CUX1: variants seen among roughly 807,000 people sequenced by gnomAD.
The protein encoded by CUX1 is protein CASP.
CUX1 carries 31 observed loss-of-function variants against 158.8 expected under a neutral mutation model. The observed-to-expected ratio is 0.20, with a 90% CI of 0.15 to 0.26. CUX1 has a LOEUF of 0.26. Among genes scored for constraint, CUX1 ranks in the 10% least tolerant of loss-of-function variants. CUX1 has a pLI of 1.00. For synonymous variants in CUX1, 879 were observed against 862.1 expected (o/e 1.02, Z -0.34); for missense variants, 1,589 against 2,014.6 (o/e 0.79, Z 4.04).
intron 12 of CUX1, among the ~76,000 whole-genome samples, chr7:102,193,023 C>T (rs144797500): frequency 2.6e-5 from 4 of 152,348 alleles, no homozygotes; most frequent in African/African-American, 9.6e-5. Flanking sequence ...GTCACCTTCT[C>T]TTGCCACATC....
intron 1 of CUX1, among the ~76,000 whole-genome samples, chr7:101,821,502 C>A (rs1181730785): frequency 1.3e-5 from 2 of 151,328 alleles, no homozygotes; most frequent in Non-Finnish European, 2.9e-5. Flanking sequence ...CCAGGCCTGG[C>A]TAATTTTTTG....
intron 5 of CUX1, among the ~76,000 whole-genome samples, chr7:102,099,299 T>C (rs2130927487): frequency 6.6e-6 from 1 of 152,252 alleles, no homozygotes; most frequent in East Asian, 1.9e-4. Context: ...AACTCTGTCC[T>C]GCTAGAGAGC....
chr7:102,141,789 A>ATTTTTTTT (rs71123009), intron 8 of CUX1, among the ~76,000 whole-genome samples: 59 of 102,568 alleles, frequency 5.8e-4, no homozygotes, highest in African/African-American at 1.2e-3. Flanking sequence ...CTCTCAGCTA[A>ATTTTTTTT]TTTTTTTTTT....
intron 1 of CUX1, among the ~76,000 whole-genome samples, chr7:101,891,145 C>T (rs1800837259): frequency 6.6e-6 from 1 of 152,142 alleles, no homozygotes; most frequent in Admixed American, 6.5e-5. Context: ...TTATTTGTCT[C>T]ATTTGGGACT....
Position 102,141,789 on chromosome 7 carries a change from ATTTTTT to A in CUX1, c.675-16753_675-16748del, listed in dbSNP as rs71123009. 9.7e-5 allele frequency among the ~76,000 whole-genome samples: 10 copies of A among 102,568 alleles called. No homozygotes were observed. The East Asian group carries it at 1.3e-3, about 13-fold the overall frequency. 67.3% of individuals were successfully genotyped at this position (102,568 alleles called of 152,430 possible). ...AGGTGCACACCACCACTCTCAGCTA[ATTTTTT>A]TTTTTTTTTTTTTTTTTGTATTTTT... On this transcript the variant is annotated intron_variant, in intron 8 of 23. Coordinates refer to ENST00000292535, the MANE Select transcript of CUX1 (RefSeq NM_181552.4).
intron 2 of CUX1, among the ~76,000 whole-genome samples, chr7:102,008,317 T>C (rs1817617937): frequency 6.6e-6 from 1 of 152,112 alleles, no homozygotes; most frequent in East Asian, 1.9e-4. Context: ...GATCTCCTCT[T>C]TTTTCCTTCT....
intron 14 of CUX1, among the ~76,000 whole-genome samples, chr7:102,263,785 G>A (rs1245799706): frequency 2.7e-5 from 4 of 147,068 alleles, no homozygotes; most frequent in South Asian, 2.2e-4. Flanking sequence ...CTCCACCTCC[G>A]GGGTTCAAGC....
chr7:101,851,475 C>T (rs534355941), intron 1 of CUX1, among the ~76,000 whole-genome samples: 24 of 152,174 alleles, frequency 1.6e-4, no homozygotes, highest in Admixed American at 5.2e-4. Context: ...TCATTTGCTG[C>T]GGGGATGTTC....
At chr7:102,237,513 C>T (rs1799696254) in intron 22 of CUX1, among the ~76,000 whole-genome samples, 1 of 152,122 alleles carries the variant, frequency 6.6e-6, no homozygotes. Flanking sequence ...AACTCCTAGG[C>T]TCGAGCAATC....
chr7:102,282,597 C>A (rs1188959716), intron 21 of CUX1: 2 of 1,085,276 alleles, frequency 1.8e-6, no homozygotes, highest in African/African-American at 3.1e-5. Context: ...CCCACCCGCC[C>A]CGGAGTCTGG....
chr7:102,220,662 G>A (rs1370309442), intron 20 of CUX1, among the ~76,000 whole-genome samples: 4 of 152,116 alleles, frequency 2.6e-5, no homozygotes, highest in Non-Finnish European at 5.9e-5. Flanking sequence ...TGCCCACACC[G>A]GGCACCTCAG....
At chr7:102,221,361 C>T (rs1421462455) in intron 20 of CUX1, among the ~76,000 whole-genome samples, 1 of 152,172 alleles carries the variant, frequency 6.6e-6, no homozygotes, top group Non-Finnish European at 1.5e-5. Context: ...TTGCTGACTT[C>T]CCACCTTCAA....
At chr7:102,235,796 A>ACG (rs1163183728) in intron 22 of CUX1, among the ~76,000 whole-genome samples, 10 of 122,720 alleles carry the variant, frequency 8.1e-5, no homozygotes, top group African/African-American at 2.2e-4. Context: ...ACACACACAC[A>ACG]CACGCGCACA....
intron 1 of CUX1, among the ~76,000 whole-genome samples, chr7:101,846,812 CTGTGT>C (rs1274122842): frequency 1.3e-5 from 2 of 151,982 alleles, no homozygotes; most frequent in Non-Finnish European, 2.9e-5. Flanking sequence ...TAATTGCAGG[CTGTGT>C]TGGTCTGGTA....
intron 16 of CUX1, 84 bp from the exon 17 acceptor site, chr7:102,199,987 A>G (rs1438885864): frequency 1.5e-5 from 17 of 1,158,570 alleles, no homozygotes; most frequent in African/African-American, 3.1e-5. Flanking sequence ...ACCCGGGGCT[A>G]TATATCAGAA....
chr7:101,956,817 T>C (rs1004136505), intron 2 of CUX1, among the ~76,000 whole-genome samples: 17 of 152,066 alleles, frequency 1.1e-4, no homozygotes, highest in African/African-American at 4.1e-4. Context: ...GGCATGGTGG[T>C]GTGCACCAGT....
At chr7:101,998,321 C>T (rs1417259592) in intron 2 of CUX1, among the ~76,000 whole-genome samples, 2 of 152,156 alleles carry the variant, frequency 1.3e-5, no homozygotes, top group Admixed American at 6.5e-5. Context: ...GTGCACAGTG[C>T]GGATTGCAGG....
chr7:101,845,572 G>A (rs965450079), intron 1 of CUX1, among the ~76,000 whole-genome samples: 1 of 152,224 alleles, frequency 6.6e-6, no homozygotes, highest in Non-Finnish European at 1.5e-5. Flanking sequence ...AGGCTGGCTA[G>A]ATAGGCTTGG....
chr7:101,913,084 G>T, intron 1 of CUX1: 1 of 174,462 alleles, frequency 5.7e-6, no homozygotes. Flanking sequence ...CCCACAGCCC[G>T]AGAACGCCTT....
Sources: allele counts gnomAD v4.1 joint callset (sites outside exome capture counted in the v4.1 genomes callset), GRCh38; gene constraint gnomAD v4.1.1; transcripts MANE v1.5; gene names NCBI Gene and HGNC (gene_info 2026-07-23, HGNC 2026-07-21).